The following LRRK1 variants were observed in gnomAD, a reference collection of about 807,000 sequenced individuals.
The protein encoded by LRRK1 is leucine rich repeat kinase 1.
A neutral mutation model predicts 209.1 loss-of-function variants in LRRK1; 113 were observed. The ratio of observed to expected loss-of-function variants is 0.54; its 90% CI spans 0.46 to 0.63. The LOEUF is 0.63. Ranked by LOEUF, LRRK1 falls within the 30% of genes least tolerant of loss-of-function variation. The probability of loss-of-function intolerance (pLI) is 0.00; values close to 1 mark genes in which losing one functional copy is unlikely to be tolerated. For synonymous variants in LRRK1, 1,144 were observed against 1,099.7 expected, an observed-to-expected ratio of 1.04 and a Z score of -0.80; for missense variants, 2,284 against 2,632.2, an observed-to-expected ratio of 0.87 and a Z score of 2.89.
chr15:100,960,122 C>T lies in LRRK1; in HGVS notation c.98-13682C>T, dbSNP rs74613644. Among the ~76,000 whole-genome samples the T allele has an allele frequency of 8.7e-3, 1,323 of 152,098 alleles. 14 individuals carry two copies. The highest frequency in any genetic ancestry group is 0.022 in the South Asian group (104 of 4,806). ...GTCTCGAGAAGTTCACCTTGAATTC[C>T]GCCACGTAAGAAAAACCAGAGTTAT... On this transcript the variant is annotated intron_variant, in intron 2 of 33. Transcript: ENST00000388948.
chr15:100,987,913 G>T (rs1182511307), intron 4 of LRRK1, among the ~76,000 whole-genome samples: 1 of 152,158 alleles, frequency 6.6e-6, no homozygotes, highest in East Asian at 1.9e-4. Flanking sequence ...ACAATGCTGG[G>T]GTAGTTGTTT....
intron 29 of LRRK1, among the ~76,000 whole-genome samples, chr15:101,059,149 G>GGAGGCTGAGGCA (rs1304451573): frequency 6.6e-6 from 1 of 152,130 alleles, no homozygotes; most frequent in African/African-American, 2.4e-5. Context: ...CAGCACTTTA[G>GGAGGCTGAGGCA]GAGGCTGAGG....
chr15:101,077,900 G>A lies in LRRK1; in HGVS notation c.*9052G>A, dbSNP rs979994973. 1 of 152,252 alleles carries A rather than the reference G, an allele frequency of 6.6e-6. No homozygotes were observed. Among genetic ancestry groups the A allele is most frequent in the African/African-American group, 2.4e-5 (1 of 41,408 alleles). 9.4% of individuals were successfully genotyped at this position (152,252 alleles called of 1,614,324 possible). On this transcript the variant is annotated 3_prime_UTR_variant, in exon 34 of 34. Coordinates refer to ENST00000388948, the MANE Select transcript of LRRK1 (RefSeq NM_024652.6). ...CCCTGTGACCTGCACGCATATATAA[G>A]CCCAGATGGCCTGAAGTAACTGAAG...
At chr15:101,015,262 C>CTTGTGTGCGGCG in intron 11 of LRRK1, 64 bp from the exon 12 acceptor site, 1 of 1,332,206 alleles carries the variant, frequency 7.5e-7, no homozygotes, top group African/African-American at 1.4e-5. Flanking sequence ...ATTATAACAT[C>CTTGTGTGCGGCG]ACAGCCAAAA....
intron 6 of LRRK1, among the ~76,000 whole-genome samples, chr15:100,995,613 G>A (rs1256592683): frequency 6.6e-6 from 1 of 152,136 alleles, no homozygotes; most frequent in Non-Finnish European, 1.5e-5. Context: ...GTTTAGCTGC[G>A]TTGCCATGAG....
At chr15:100,975,424 G>T (rs2141655605) in intron 3 of LRRK1, among the ~76,000 whole-genome samples, 1 of 152,334 alleles carries the variant, frequency 6.6e-6, no homozygotes, top group Middle Eastern at 3.4e-3. Flanking sequence ...TCATAATTTG[G>T]CAAAGAGCAC....
At chr15:101,066,407 C>G (rs532738509) in intron 32 of LRRK1, among the ~76,000 whole-genome samples, 1 of 152,244 alleles carries the variant, frequency 6.6e-6, no homozygotes, top group Non-Finnish European at 1.5e-5. Flanking sequence ...AAGCTTATTG[C>G]CTGCCAGAGA....
chr15:100,983,466 C>A, intron 3 of LRRK1, 62 bp from the exon 4 acceptor site: 1 of 1,464,048 alleles, frequency 6.8e-7, no homozygotes. Flanking sequence ...GGTTTAACGT[C>A]AGTTGTCTTG....
At chr15:101,015,908 C>A (rs566589423) in intron 12 of LRRK1, among the ~76,000 whole-genome samples, 1 of 151,882 alleles carries the variant, frequency 6.6e-6, no homozygotes, top group Non-Finnish European at 1.5e-5. Flanking sequence ...CAGGGGCTTG[C>A]GAGGGCCTTC....
Position 101,024,686 on chromosome 15 carries a change from C to T in LRRK1, c.2068-117C>T, listed in dbSNP as rs1255071271. The T allele has an allele frequency of 1.1e-5, 12 of 1,110,906 alleles. No individual in the cohort carries two copies. Among genetic ancestry groups the T allele is most frequent in the South Asian group, 7.6e-5 (5 of 66,100 alleles). The allele number at this position is 1,110,906 out of a possible 1,614,324, so 68.8% of individuals were successfully genotyped here. On this transcript the variant is annotated intron_variant, in intron 15 of 33. Transcript: ENST00000388948. This position sits in a 1 kb window ranked among gnomAD's most constrained non-coding sequence, Gnocchi z 4.6. ...CAATAGAGTGTCCAGAACTTTTCCA[C>T]GGTTGTTTTTTCAGACCCCCGAGTC...
intron 2 of LRRK1, among the ~76,000 whole-genome samples, chr15:100,934,496 C>T (rs1306007751): frequency 6.6e-6 from 1 of 151,880 alleles, no homozygotes; most frequent in Non-Finnish European, 1.5e-5. Context: ...AAGTAGACAG[C>T]AAAGAACAAG....
chr15:101,008,681 G>C (rs981189965), intron 6 of LRRK1, among the ~76,000 whole-genome samples, 156 bp from the exon 7 acceptor site: 3 of 152,354 alleles, frequency 2.0e-5, no homozygotes, highest in African/African-American at 7.2e-5. Context: ...ACCGTGGCAG[G>C]TGCCGGCGGC....
At chr15:101,059,321 C>T (rs938468192) in intron 29 of LRRK1, among the ~76,000 whole-genome samples, 7 of 152,142 alleles carry the variant, frequency 4.6e-5, no homozygotes, top group African/African-American at 1.7e-4. Flanking sequence ...TTACTTGAAC[C>T]CAGGAGTTTG....
At chr15:100,928,584 G>A (rs949696084) in intron 2 of LRRK1, among the ~76,000 whole-genome samples, 2 of 152,176 alleles carry the variant, frequency 1.3e-5, no homozygotes, top group Non-Finnish European at 2.9e-5. Flanking sequence ...GGAAGATAAC[G>A]TGATTGAAAA....
At position 101,058,131 on chromosome 15, in the gene LRRK1, G is replaced by C; in HGVS notation, c.4669G>C (p.Glu1557Gln). The change falls in exon 29 of 34, where the codon GAG becomes CAG. Residue 1557 changes from glutamate to glutamine, a missense_variant. Glu to Gln is a conservative substitution (Grantham distance 29). Around this residue, in one of 6 missense-constraint regions of LRRK1, gnomAD observed 643 missense variants for 695.9 expected, o/e 0.92. Transcript: ENST00000388948. ...CACCGTGGTGTTTTGGGATGGAAAA[G>C]AGGAGTCCAGGTAAGCTCCTGCGGG... ...EYTVVFWDGKEESRNYTVVNT... is the reference protein window; with the variant it reads ...EYTVVFWDGKQESRNYTVVNT... The C allele has an allele frequency of 6.2e-7, 1 of 1,614,144 alleles. No individual in the cohort carries two copies. The highest frequency in any genetic ancestry group is 8.5e-7 in the Non-Finnish European group (1 of 1,180,024).
chr15:101,032,029 G>A (rs545422755), intron 20 of LRRK1, among the ~76,000 whole-genome samples: 9 of 152,218 alleles, frequency 5.9e-5, no homozygotes, highest in African/African-American at 1.4e-4. Context: ...CCACTGCGCC[G>A]GCCTCCTCCC....
chr15:101,066,785 G>A (rs1233331446), intron 33 of LRRK1, 44 bp downstream of exon 33: 2 of 1,477,376 alleles, frequency 1.4e-6, no homozygotes, highest in East Asian at 2.3e-5. Flanking sequence ...GCAGCAGCAT[G>A]AGCACAGAAG....
chr15:100,975,665 A>G (rs2031251154), intron 3 of LRRK1, among the ~76,000 whole-genome samples: 1 of 152,246 alleles, frequency 6.6e-6, no homozygotes, highest in South Asian at 2.1e-4. Flanking sequence ...AAAAAATACC[A>G]TAAATAAGAG....
rs759410070 is a variant in LRRK1, at chr15:101,046,236, TG to T, written c.3135+90del. On this transcript the variant is annotated intron_variant, in intron 21 of 33. Coordinates refer to ENST00000388948, the MANE Select transcript of LRRK1 (RefSeq NM_024652.6). ...ACTGGGGGAGGGGAATGCCCTTTGC[TG>T]GGGGGCCCTGCCTGGAGACCCTTCT... 109 of 1,408,482 alleles carry T rather than the reference TG, an allele frequency of 7.7e-5. 2 individuals carry two copies. Among genetic ancestry groups the T allele is most frequent in the East Asian group, 2.7e-4 (11 of 40,574 alleles). 87.2% of individuals were successfully genotyped at this position (1,408,482 alleles called of 1,614,324 possible).
Sources: gnomAD v4.1 joint callset for allele counts (sites outside exome capture counted in the v4.1 genomes callset) on GRCh38, gnomAD v4.1.1 for gene constraint, gnomAD v4.1.1 regional missense constraint, Gnocchi (gnomAD v3.1) non-coding constraint, MANE v1.5 for transcripts, NCBI Gene and HGNC (gene_info 2026-07-23, HGNC 2026-07-21) for gene names.